LUZP2: variants seen among roughly 807,000 people sequenced by gnomAD.
LUZP2 encodes leucine zipper protein 2.
A neutral mutation model predicts 51.6 loss-of-function variants in LUZP2; 52 were observed. The observed-to-expected ratio is 1.01, with a 90% CI of 0.81 to 1.27. LUZP2 has a LOEUF of 1.27. Ranked by LOEUF, LUZP2 falls within the 50% of genes most tolerant of loss-of-function variation. The probability of loss-of-function intolerance (pLI) is 0.00; values close to 1 mark genes in which losing one functional copy is unlikely to be tolerated. For missense variants in LUZP2, 436 were observed against 395.4 expected (o/e 1.10, Z -0.87); for synonymous variants, 154 against 137.3 (o/e 1.12, Z -0.85).
chr11:24,707,350 T>C (rs563135989), intron 1 of LUZP2, among the ~76,000 whole-genome samples: 1 of 151,876 alleles, frequency 6.6e-6, no homozygotes, highest in Admixed American at 6.6e-5. Context: ...TTATAATATT[T>C]TAGGCCAAAT....
At position 24,830,109 on chromosome 11, in the gene LUZP2, G is replaced by GAA. The variant is rs11338790; in HGVS notation, c.396+66809_396+66810dup. On this transcript the variant is annotated intron_variant, in intron 5 of 11. Transcript: ENST00000336930. The stretch of plus-strand genomic sequence containing the variant: ...TAATTGAAATACAAATTTTGTCAGA[G>GAA]AAAAAAAAACGCTTAAAGCCTTCAT... 5.8e-3 allele frequency among the ~76,000 whole-genome samples: 875 copies of GAA among 150,992 alleles called. 6 individuals carry two copies. The highest frequency in any genetic ancestry group is 0.02 in the African/African-American group (808 of 41,238).
Position 25,079,168 on chromosome 11 carries a change from A to G in LUZP2, c.*510A>G, listed in dbSNP as rs2134065905. ...GATGGTGTTTATTGCTATTGGTATT[A>G]TTTTGAACTAATAACAATTATTTTG... On this transcript the variant is annotated 3_prime_UTR_variant, in exon 12 of 12. Coordinates refer to ENST00000336930, the MANE Select transcript of LUZP2 (RefSeq NM_001009909.4). The G allele has an allele frequency of 6.6e-6, 1 of 152,476 alleles. No individual in the cohort carries two copies. Among genetic ancestry groups the G allele is most frequent in the South Asian group, 2.1e-4 (1 of 4,832 alleles). The allele number at this position is 152,476 out of a possible 1,614,324, so 9.4% of individuals were successfully genotyped here.
intron 7 of LUZP2, among the ~76,000 whole-genome samples, chr11:24,926,879 T>C (rs1041493139): frequency 6.6e-6 from 1 of 151,792 alleles, no homozygotes; most frequent in Non-Finnish European, 1.5e-5. Flanking sequence ...GTGTTCCCTT[T>C]TCACCACATT....
intron 1 of LUZP2, among the ~76,000 whole-genome samples, chr11:24,683,271 C>G (rs1370160274): frequency 6.6e-6 from 1 of 152,180 alleles, no homozygotes; most frequent in African/African-American, 2.4e-5. Context: ...AAATTAAAGA[C>G]TGTGAGTACT....
intron 1 of LUZP2, among the ~76,000 whole-genome samples, chr11:24,624,626 G>A (rs1028323337): frequency 6.6e-6 from 1 of 152,060 alleles, no homozygotes; most frequent in Non-Finnish European, 1.5e-5. Flanking sequence ...GGATTATATG[G>A]TTCTAAGTTA....
chr11:24,588,919 T>G (rs1200955436), intron 1 of LUZP2, among the ~76,000 whole-genome samples: 1 of 152,142 alleles, frequency 6.6e-6, no homozygotes, highest in Non-Finnish European at 1.5e-5. Flanking sequence ...ATGTAATGAC[T>G]GTTTCATAGC....
intron 5 of LUZP2, among the ~76,000 whole-genome samples, chr11:24,807,050 A>G (rs1461398557): frequency 1.4e-5 from 2 of 146,576 alleles, no homozygotes; most frequent in African/African-American, 5.0e-5. Flanking sequence ...AAAAGGAGAG[A>G]TACGGTCTAG....
At chr11:24,906,478 A>T (rs1407017158) in intron 6 of LUZP2, among the ~76,000 whole-genome samples, 1 of 152,188 alleles carries the variant, frequency 6.6e-6, no homozygotes, top group African/African-American at 2.4e-5. Flanking sequence ...ATACAAAATC[A>T]ATACACTCAT....
chr11:24,913,868 G>A (rs927788722), intron 6 of LUZP2, among the ~76,000 whole-genome samples: 1 of 152,022 alleles, frequency 6.6e-6, no homozygotes, highest in Non-Finnish European at 1.5e-5. Context: ...TCATAACTCT[G>A]TGACTTAAGG....
chr11:24,723,913 TATC>T (rs1266932008), intron 1 of LUZP2, among the ~76,000 whole-genome samples: 2 of 152,188 alleles, frequency 1.3e-5, no homozygotes, highest in African/African-American at 4.8e-5. Flanking sequence ...ACAAACTTGA[TATC>T]ATATTAAATG....
intron 7 of LUZP2, among the ~76,000 whole-genome samples, chr11:24,960,360 G>A (rs1350561816): frequency 7.2e-5 from 11 of 152,138 alleles, no homozygotes; most frequent in Admixed American, 4.6e-4. Context: ...GTAGAATTTG[G>A]CTGTGAATCC....
At chr11:24,745,540 T>C (rs1418484675) in intron 4 of LUZP2, among the ~76,000 whole-genome samples, 1 of 152,212 alleles carries the variant, frequency 6.6e-6, no homozygotes, top group African/African-American at 2.4e-5. Flanking sequence ...TGCTTGCTTT[T>C]CGTGTCCATT....
chr11:24,573,349 C>G (rs1219324882), intron 1 of LUZP2, among the ~76,000 whole-genome samples: 1 of 151,960 alleles, frequency 6.6e-6, no homozygotes, highest in Non-Finnish European at 1.5e-5. Context: ...TTCATTCCAG[C>G]TTTGCAAATT....
chr11:24,956,887 G>A (rs1036369426), intron 7 of LUZP2, among the ~76,000 whole-genome samples: 1 of 151,960 alleles, frequency 6.6e-6, no homozygotes, highest in African/African-American at 2.4e-5. Flanking sequence ...CATATTTGAA[G>A]AATCTCTAGT....
chr11:24,782,341 G>A lies in LUZP2; in HGVS notation c.396+19033G>A, dbSNP rs117008923. Reference sequence around the variant, plus strand: ...GCCTCATGCACATTTATTAGACAGGGAAGAGCAGAACCACTGATTAAATGG... The same window carrying A: ...GCCTCATGCACATTTATTAGACAGGAAAGAGCAGAACCACTGATTAAATGG... On this transcript the variant is annotated intron_variant, in intron 5 of 11. Coordinates refer to ENST00000336930, the MANE Select transcript of LUZP2 (RefSeq NM_001009909.4). Among the ~76,000 whole-genome samples the A allele has an allele frequency of 1.9e-3, 294 of 152,130 alleles. 2 individuals carry two copies. Among genetic ancestry groups the A allele is most frequent in the Non-Finnish European group, 2.0e-3 (135 of 67,956 alleles).
At chr11:24,524,738 C>T (rs1256403939) in intron 1 of LUZP2, among the ~76,000 whole-genome samples, 1 of 151,652 alleles carries the variant, frequency 6.6e-6, no homozygotes, top group East Asian at 1.9e-4. Context: ...AGATAGGACA[C>T]TGAGGCATAT....
intron 1 of LUZP2, among the ~76,000 whole-genome samples, chr11:24,672,080 G>T (rs1261143938): frequency 6.6e-6 from 1 of 152,014 alleles, no homozygotes; most frequent in Non-Finnish European, 1.5e-5. Context: ...CATGGTGTTT[G>T]ATTTATTACA....
At chr11:24,923,424 C>A (rs115184217) in intron 7 of LUZP2, among the ~76,000 whole-genome samples, 3 of 151,680 alleles carry the variant, frequency 2.0e-5, no homozygotes, top group African/African-American at 7.3e-5. Context: ...CGGCTGGGCG[C>A]GGTGTCTCAC....
intron 4 of LUZP2, among the ~76,000 whole-genome samples, chr11:24,757,071 G>A (rs911152798): frequency 6.6e-6 from 1 of 152,198 alleles, no homozygotes; most frequent in African/African-American, 2.4e-5. Flanking sequence ...CCCTGGGCAT[G>A]TGGCCCACCA....
Sources: gnomAD v4.1 joint callset for allele counts (sites outside exome capture counted in the v4.1 genomes callset) on GRCh38, gnomAD v4.1.1 for gene constraint, MANE v1.5 for transcripts, NCBI Gene and HGNC (gene_info 2026-07-23, HGNC 2026-07-21) for gene names.